The following ABI3 variants were observed in gnomAD, a reference collection of about 807,000 sequenced individuals.
ABI3 encodes ABI gene family member 3.
A neutral mutation model predicts 37.0 loss-of-function variants in ABI3; 24 were observed. The observed-to-expected ratio is 0.65, with a 90% CI of 0.47 to 0.91. ABI3 has a LOEUF of 0.91. Among genes scored for constraint, ABI3 ranks in the 40% least tolerant of loss-of-function variants. The pLI is 0.00. For synonymous variants in ABI3, 220 were observed against 211.8 expected, an observed-to-expected ratio of 1.04 and a Z score of -0.34; for missense variants, 481 against 485.1, an observed-to-expected ratio of 0.99 and a Z score of 0.08.
chr17:49,218,828 G>C (rs2043249097), intron 3 of ABI3, among the ~76,000 whole-genome samples: 1 of 150,732 alleles, frequency 6.6e-6, no homozygotes, highest in Admixed American at 6.6e-5. Context: ...TGGTGGCCAG[G>C]CTGGTCTTGA....
chr17:49,212,546 C>T (rs1335796198), intron 1 of ABI3, among the ~76,000 whole-genome samples: 2 of 152,218 alleles, frequency 1.3e-5, no homozygotes, highest in African/African-American at 4.8e-5. Flanking sequence ...TCAGTAATGA[C>T]AGCAGTTAAA....
At position 49,217,865 on chromosome 17, in the gene ABI3, A is replaced by G. The variant is rs1311407630; in HGVS notation, c.412A>G (p.Arg138Gly). The change falls in exon 3 of 8, where the codon AGG (arginine) becomes GGG (glycine). Residue 138 changes from arginine (R) to glycine (G), a missense_variant. Physicochemically the swap from Arg to Gly is moderately radical, Grantham distance 125 (BLOSUM62 -2). Coordinates refer to ENST00000225941, the MANE Select transcript of ABI3 (RefSeq NM_016428.3). ...ENLPPLTPYC[R>G]RPLNFGCLDD... ...CCTACCCCCTCTCACGCCCTACTGC[A>G]GGAGACCCCTCAACTTTGGCTGCCT... 2.5e-6 allele frequency: 4 copies of G among 1,593,184 alleles called. No homozygotes were observed. The highest frequency in any genetic ancestry group is 3.4e-6 in the Non-Finnish European group (4 of 1,171,518).
intron 3 of ABI3, among the ~76,000 whole-genome samples, chr17:49,218,527 C>A (rs1233656200): frequency 2.0e-5 from 3 of 152,196 alleles, no homozygotes; most frequent in Non-Finnish European, 2.9e-5. Flanking sequence ...ACTTATCAGC[C>A]CCCCTTAAAG....
intron 1 of ABI3, among the ~76,000 whole-genome samples, chr17:49,215,941 TA>T (rs1235253007): frequency 6.2e-4 from 89 of 143,628 alleles, no homozygotes; most frequent in South Asian, 6.6e-4. Flanking sequence ...CTGTCTCTAC[TA>T]AAAAAAAAAA....
intron 2 of ABI3, among the ~76,000 whole-genome samples, chr17:49,217,308 C>A (rs1403151340): frequency 6.6e-6 from 1 of 152,136 alleles, no homozygotes; most frequent in Non-Finnish European, 1.5e-5. Flanking sequence ...GAACTGTAGG[C>A]TTTCTCCATG....
Position 49,219,521 on chromosome 17 carries a change from A to G in ABI3, c.463-19A>G. ...GCCCCTCACCCCAAATGTAAGCCCTACCTCCCGCTCCCTCGCAGGACCTCA... is the reference window on the plus strand; with the variant it reads ...GCCCCTCACCCCAAATGTAAGCCCTGCCTCCCGCTCCCTCGCAGGACCTCA... On this transcript the variant is annotated intron_variant, in intron 3 of 7. Coordinates refer to ENST00000225941, the MANE Select transcript of ABI3 (RefSeq NM_016428.3). This position sits in a 1 kb window ranked among gnomAD's most constrained non-coding sequence, Gnocchi z 4.3. 1 of 1,582,196 alleles carries G rather than the reference A, an allele frequency of 6.3e-7. No homozygotes were observed. The highest frequency in any genetic ancestry group is 8.6e-7 in the Non-Finnish European group (1 of 1,163,592).
intron 6 of ABI3, 46 bp downstream of exon 6, chr17:49,220,372 T>G (rs1051703914): frequency 1.3e-6 from 2 of 1,523,992 alleles, no homozygotes; most frequent in African/African-American, 2.7e-5. Flanking sequence ...GTCGCTTTTC[T>G]GCCTCCTGCC....
chr17:49,214,199 G>T (rs2043198576), intron 1 of ABI3, among the ~76,000 whole-genome samples: 1 of 152,174 alleles, frequency 6.6e-6, no homozygotes. Context: ...GGCACCCGAG[G>T]GCTCAAGCAA....
intron 1 of ABI3, among the ~76,000 whole-genome samples, chr17:49,215,726 G>A (rs1004218874): frequency 6.6e-6 from 1 of 150,784 alleles, no homozygotes; most frequent in Admixed American, 6.6e-5. Context: ...TCAAACTCCC[G>A]ACCTCAAGTG....
intron 1 of ABI3, among the ~76,000 whole-genome samples, chr17:49,213,966 C>T (rs1224024187): frequency 6.6e-6 from 1 of 152,188 alleles, no homozygotes; most frequent in Non-Finnish European, 1.5e-5. Context: ...TTCTTGGTGA[C>T]CTATGCTGAG....
chr17:49,217,336 G>A (rs1451713222), intron 2 of ABI3, among the ~76,000 whole-genome samples: 1 of 152,102 alleles, frequency 6.6e-6, no homozygotes, highest in African/African-American at 2.4e-5. Flanking sequence ...CTGAGAGGAA[G>A]TCAATTTACT....
In ABI3 at chr17:49,222,141, G is replaced by A; in HGVS notation, c.853G>A (p.Gly285Arg). 6.2e-7 allele frequency: 1 copy of A among 1,613,708 alleles called. No individual in the cohort carries two copies. The highest frequency in any genetic ancestry group is 8.5e-7 in the Non-Finnish European group (1 of 1,179,838). Residue 285 changes from glycine (G) to arginine (R), a missense_variant, in exon 7 of 8, where the codon GGA (glycine) becomes AGA (arginine). Gly to Arg is a moderately radical substitution (Grantham distance 125, BLOSUM62 -2). Coordinates refer to ENST00000225941, the MANE Select transcript of ABI3 (RefSeq NM_016428.3). ...LDLPPPPPLD[G>R]DELGLPPPPP... ...CCTGCCTCCTCCTCCACCCCTGGAT[G>A]GAGATGAATTGGGGCTGCCTCCACC... is the stretch of plus-strand genomic sequence containing the variant.
chr17:49,216,743 A>G (rs760627286), intron 2 of ABI3, 45 bp downstream of exon 2: 46 of 1,405,206 alleles, frequency 3.3e-5, no homozygotes, highest in Non-Finnish European at 4.3e-5. Flanking sequence ...TCAGGCCTCA[A>G]CTCTTCAGCC....
chr17:49,222,157 T>G lies in ABI3; in HGVS notation c.869T>G (p.Leu290Arg). The G allele has an allele frequency of 1.2e-6, 2 of 1,613,830 alleles. No homozygotes were observed. The highest frequency in any genetic ancestry group is 2.7e-5 in the African/African-American group (2 of 74,996). ...CCCCTGGATGGAGATGAATTGGGGCTGCCTCCACCCCCACCAGGATTTGGG... is the reference window on the plus strand; with the variant it reads ...CCCCTGGATGGAGATGAATTGGGGCGGCCTCCACCCCCACCAGGATTTGGG... ...PPPLDGDELG[L>R]PPPPPGFGPD... Residue 290 changes from leucine to arginine, a missense_variant, in exon 7 of 8, where the codon CTG becomes CGG. By Grantham distance (102) the Leu-to-Arg change is moderately radical. Transcript: ENST00000225941.
At position 49,219,470 on chromosome 17, in the gene ABI3, C is replaced by A; in HGVS notation, c.463-70C>A. 2 of 1,355,470 alleles carry A rather than the reference C, an allele frequency of 1.5e-6. No individual in the cohort carries two copies. The highest frequency in any genetic ancestry group is 2.0e-6 in the Non-Finnish European group (2 of 982,958). The allele number at this position is 1,355,470 out of a possible 1,614,324, so 84.0% of individuals were successfully genotyped here. The stretch of plus-strand genomic sequence containing the variant: ...GTTCCCGTCCGCCCCTCCTCCATTT[C>A]CTCTTGGGGATGAGGGTGGAGGGAG... On this transcript the variant is annotated intron_variant, in intron 3 of 7. Coordinates refer to ENST00000225941, the MANE Select transcript of ABI3 (RefSeq NM_016428.3). This position sits in a 1 kb window ranked among gnomAD's most constrained non-coding sequence, Gnocchi z 4.3.
At chr17:49,214,256 C>G (rs1281053225) in intron 1 of ABI3, among the ~76,000 whole-genome samples, 1 of 152,192 alleles carries the variant, frequency 6.6e-6, no homozygotes, top group African/African-American at 2.4e-5. Context: ...TGGCCCTACT[C>G]CACATTCACC....
intron 6 of ABI3, among the ~76,000 whole-genome samples, chr17:49,220,962 G>A (rs969453409): frequency 6.6e-6 from 1 of 151,692 alleles, no homozygotes; most frequent in Admixed American, 6.6e-5. Context: ...GCTGTGGAGG[G>A]CGGATCACTT....
intron 6 of ABI3, 71 bp downstream of exon 6, chr17:49,220,397 C>T: frequency 1.3e-6 from 2 of 1,510,026 alleles, no homozygotes; most frequent in Non-Finnish European, 1.8e-6. Flanking sequence ...CCCAGCCCAC[C>T]TCTCTTGGAT....
rs1365169563 is a variant in ABI3, at chr17:49,219,088, C to G, written c.463-452C>G. Among the ~76,000 whole-genome samples, 1 of 152,152 alleles carries G rather than the reference C, an allele frequency of 6.6e-6. No homozygotes were observed. The highest frequency in any genetic ancestry group is 1.5e-5 in the Non-Finnish European group (1 of 68,032). On this transcript the variant is annotated intron_variant, in intron 3 of 7. Coordinates refer to ENST00000225941, the MANE Select transcript of ABI3 (RefSeq NM_016428.3). The surrounding 1 kb of genome is among the most constrained non-coding windows in gnomAD (Gnocchi z 4.3). ...CGCATCCCCTCTAAGTGGCCTGGGT[C>G]TTGCTCCTCTCTGCCCTAACTCCCC... is the stretch of plus-strand genomic sequence containing the variant.
Sources: gnomAD v4.1 joint callset for allele counts (sites outside exome capture counted in the v4.1 genomes callset) on GRCh38, gnomAD v4.1.1 for gene constraint, Gnocchi (gnomAD v3.1) non-coding constraint, MANE v1.5 for transcripts, NCBI Gene and HGNC (gene_info 2026-07-23, HGNC 2026-07-21) for gene names.